SPARC: variants seen among roughly 807,000 people sequenced by gnomAD.
SPARC encodes the protein secreted protein acidic and cysteine rich.
Under a neutral mutation model 37.7 loss-of-function variants are expected in SPARC, and 23 were observed. The ratio of observed to expected loss-of-function variants is 0.61; its 90% CI spans 0.44 to 0.87. The LOEUF (loss-of-function observed/expected upper bound fraction) is 0.87. Among genes scored for constraint, SPARC ranks in the 40% least tolerant of loss-of-function variants. The pLI, the probability that SPARC is intolerant of heterozygous loss-of-function variation, is 0.00. For missense variants in SPARC, 312 were observed against 389.0 expected, an observed-to-expected ratio of 0.80 and a Z score of 1.66; for synonymous variants, 155 against 150.8, an observed-to-expected ratio of 1.03 and a Z score of -0.20.
At chr5:151,674,508 G>A (rs1368138133) in intron 3 of SPARC, 104 bp downstream of exon 3, 19 of 1,003,492 alleles carry the variant, frequency 1.9e-5, no homozygotes, top group African/African-American at 1.6e-4. Flanking sequence ...ACAGGGAGAC[G>A]AATGCCCCAC....
chr5:151,667,484 C>CA lies in SPARC; in HGVS notation c.567dup (p.Glu190Ter). 1 of 1,614,234 alleles carries CA rather than the reference C, an allele frequency of 6.2e-7. No individual in the cohort carries two copies. Among genetic ancestry groups the CA allele is most frequent in the Non-Finnish European group, 8.5e-7 (1 of 1,180,030 alleles). ...CCACTTACCCGCAGCTTCTGCTTCT[C>CA]AGTCAGAAGGTTGTTGTCCTCATCC... On this transcript the variant is annotated frameshift_variant, in exon 7 of 10. Transcript: ENST00000231061. LOFTEE classifies it high-confidence loss of function.
intron 8 of SPARC, among the ~76,000 whole-genome samples, chr5:151,665,182 C>A (rs1311487516): frequency 6.6e-6 from 1 of 152,126 alleles, no homozygotes; most frequent in Non-Finnish European, 1.5e-5. Context: ...GAGGAGGAAG[C>A]GGGTCCCCTT....
At chr5:151,663,790 G>A (rs1034031552) in intron 9 of SPARC, among the ~76,000 whole-genome samples, 191 bp from the exon 10 acceptor site, 6 of 152,164 alleles carry the variant, frequency 3.9e-5, no homozygotes, top group Admixed American at 6.5e-5. Flanking sequence ...TCTTACACAC[G>A]CTGCCAAGTT....
At position 151,663,359 on chromosome 5, in the gene SPARC, G is replaced by A. The variant is rs1194820379; in HGVS notation, c.*212C>T. On this transcript the variant is annotated 3_prime_UTR_variant, in exon 10 of 10. Transcript: ENST00000231061. ...AAGAGAAAAATGGGACTATTAATGC[G>A]TGTGGAAAAGGCCTTAATAGTTAAG... 2.6e-5 allele frequency: 15 copies of A among 576,178 alleles called. No individual in the cohort carries two copies. The highest frequency in any genetic ancestry group is 2.1e-4 in the East Asian group (7 of 34,068). 35.7% of individuals were successfully genotyped at this position (576,178 alleles called of 1,614,324 possible).
intron 4 of SPARC, chr5:151,672,590 C>T (rs921974481): frequency 6.5e-6 from 1 of 154,776 alleles, no homozygotes; most frequent in African/African-American, 2.4e-5. Flanking sequence ...GGGCTGGAGC[C>T]AGAGCCCCTA....
chr5:151,666,895 A>G (rs999177353), intron 7 of SPARC, among the ~76,000 whole-genome samples: 3 of 152,160 alleles, frequency 2.0e-5, no homozygotes, highest in Non-Finnish European at 4.4e-5. Context: ...GTGTGGTAGC[A>G]TGCCTGCAGT....
intron 7 of SPARC, 122 bp downstream of exon 7, chr5:151,667,345 G>T (rs905375260): frequency 2.8e-6 from 3 of 1,061,058 alleles, no homozygotes; most frequent in Non-Finnish European, 4.3e-6. Flanking sequence ...TACGTGTCCT[G>T]GTGCTCAGGG....
chr5:151,681,141 G>A (rs1418852482), intron 1 of SPARC, among the ~76,000 whole-genome samples: 1 of 152,246 alleles, frequency 6.6e-6, no homozygotes, highest in Non-Finnish European at 1.5e-5. Flanking sequence ...CCCAAAGAGA[G>A]GAAAACAAGC....
At chr5:151,666,305 T>C (rs935394491) in intron 8 of SPARC, 56 bp downstream of exon 8, 4 of 1,565,660 alleles carry the variant, frequency 2.6e-6, no homozygotes, top group Non-Finnish European at 3.5e-6. Flanking sequence ...TTTCTGGCCA[T>C]AGCTAGTGCA....
rs991630568 is a variant in SPARC at position 151,663,478 on chromosome 5, G to A, written c.*93C>T. 1 of 1,254,058 alleles carries A rather than the reference G, an allele frequency of 8.0e-7. No individual in the cohort carries two copies. 77.7% of individuals were successfully genotyped at this position (1,254,058 alleles called of 1,614,324 possible). A position where few individuals can be genotyped will look rare whatever the true frequency, so the allele number is the denominator to read the frequency against. On this transcript the variant is annotated 3_prime_UTR_variant, in exon 10 of 10. Transcript: ENST00000231061. ...ATCTATGTTAGCACCTTGTCTCCAG[G>A]CAGAACAACAAACCATCCAAACATT...
chr5:151,682,904 T>C (rs1409172507), intron 1 of SPARC, among the ~76,000 whole-genome samples: 1 of 152,174 alleles, frequency 6.6e-6, no homozygotes, highest in Non-Finnish European at 1.5e-5. Context: ...TGACAACAAT[T>C]GTTGTCTATG....
At chr5:151,672,838 A>C in intron 4 of SPARC, 1 of 406,904 alleles carries the variant, frequency 2.5e-6, no homozygotes, top group Non-Finnish European at 4.6e-6. Flanking sequence ...TGGGAAACTC[A>C]GCTTTGGACT....
intron 9 of SPARC, 57 bp from the exon 10 acceptor site, chr5:151,663,656 T>C: frequency 1.3e-6 from 2 of 1,583,340 alleles, no homozygotes; most frequent in Admixed American, 1.7e-5. Context: ...GATAACGCAC[T>C]TCCCAAGGAG....
chr5:151,675,407 C>T (rs556766984), intron 2 of SPARC, among the ~76,000 whole-genome samples: 1 of 152,144 alleles, frequency 6.6e-6, no homozygotes, highest in Non-Finnish European at 1.5e-5. Flanking sequence ...TGCAATGCTT[C>T]GAGGAACTGT....
At chr5:151,671,820 C>T (rs1760754851) in intron 4 of SPARC, 126 bp from the exon 5 acceptor site, 1 of 1,251,984 alleles carries the variant, frequency 8.0e-7, no homozygotes, top group South Asian at 1.4e-5. Context: ...TTGGACAGCC[C>T]TGAGTCCTGC....
intron 6 of SPARC, among the ~76,000 whole-genome samples, chr5:151,669,005 C>T (rs1760688639): frequency 6.6e-6 from 1 of 152,024 alleles, no homozygotes; most frequent in Non-Finnish European, 1.5e-5. Flanking sequence ...TTGGGGGTCT[C>T]CCATGATAGG....
intron 1 of SPARC, chr5:151,679,639 C>G (rs960466706): frequency 3.3e-5 from 5 of 152,394 alleles, no homozygotes; most frequent in Non-Finnish European, 5.9e-5. Flanking sequence ...TTCCTTTTGC[C>G]TTTATTTGCT....
rs1331184165 is a variant in SPARC, at chr5:151,676,200, C to A, written c.-12G>T. On this transcript the variant is annotated splice_region_variant and 5_prime_UTR_variant, in exon 2 of 10. Transcript: ENST00000231061. ...ATCCAGGCCCTCATGGTGCTGGGAA[C>A]CCTATGGGGAGGAGAGATTGAGAGT... 1.9e-6 allele frequency: 3 copies of A among 1,608,692 alleles called. No homozygotes were observed. Among genetic ancestry groups the A allele is most frequent in the Non-Finnish European group, 1.7e-6 (2 of 1,177,718 alleles).
chr5:151,685,596 T>C (rs905792205), intron 1 of SPARC, among the ~76,000 whole-genome samples: 2 of 152,168 alleles, frequency 1.3e-5, no homozygotes, highest in African/African-American at 4.8e-5. Flanking sequence ...TTCAGCCTTC[T>C]TTCATTACAG....
Sources: allele counts gnomAD v4.1 joint callset (sites outside exome capture counted in the v4.1 genomes callset), GRCh38; gene constraint gnomAD v4.1.1; transcripts MANE v1.5; gene names NCBI Gene and HGNC (gene_info 2026-07-23, HGNC 2026-07-21).